Variants in TENM2 observed in about 807,000 individuals in gnomAD.
The protein encoded by TENM2 is teneurin-2.
A neutral mutation model predicts 245.2 loss-of-function variants in TENM2; 52 were observed. The observed-to-expected ratio is 0.21, with a 90% confidence interval of 0.17 to 0.27. The LOEUF (loss-of-function observed/expected upper bound fraction) is 0.27. Ranked by LOEUF, TENM2 falls within the 10% of genes least tolerant of loss-of-function variation. TENM2 has a pLI of 1.00. For missense variants in TENM2, 3,046 were observed against 3,666.8 expected (o/e 0.83, Z 4.37); for synonymous variants, 1,363 against 1,438.9 (o/e 0.95, Z 1.19).
chr5:167,039,294 C>T, the TENM2 span, among the ~76,000 whole-genome samples: 164 of 152,176 alleles, frequency 1.1e-3, 1 homozygote, highest in Non-Finnish European at 2.0e-3. Context: ...CACAGACCCC[C>T]GCACTGGGGA....
intron 2 of TENM2, among the ~76,000 whole-genome samples, chr5:167,784,976 T>G (rs1257523096): frequency 1.3e-5 from 2 of 151,924 alleles, no homozygotes; most frequent in African/African-American, 2.4e-5. Flanking sequence ...AATTAAGGTT[T>G]TTTTTTTTGA....
At chr5:167,337,026 A>C (rs901905822) in intron 1 of TENM2, among the ~76,000 whole-genome samples, 41 of 143,042 alleles carry the variant, frequency 2.9e-4, no homozygotes, top group African/African-American at 1.0e-3. Context: ...CTGAGGCAGG[A>C]GAATGGCGTG....
At chr5:167,035,962 CA>C in the TENM2 span, among the ~76,000 whole-genome samples, 1 of 152,136 alleles carries the variant, frequency 6.6e-6, no homozygotes, top group South Asian at 2.1e-4. Context: ...AGGCTGGTCT[CA>C]AACTCCTGAC....
chr5:167,314,156 T>C (rs1368906806), intron 1 of TENM2, among the ~76,000 whole-genome samples: 3 of 152,018 alleles, frequency 2.0e-5, no homozygotes, highest in African/African-American at 7.3e-5. Flanking sequence ...TATACAAGTG[T>C]GGGCTCCAAA....
intron 2 of TENM2, among the ~76,000 whole-genome samples, chr5:167,529,220 A>T (rs1771329506): frequency 6.6e-6 from 1 of 152,052 alleles, no homozygotes; most frequent in African/African-American, 2.4e-5. Context: ...TAAGGTTGAG[A>T]AAAAGCAAAT....
chr5:167,497,525 A>G (rs1582208488), intron 2 of TENM2, among the ~76,000 whole-genome samples: 1 of 152,084 alleles, frequency 6.6e-6, no homozygotes, highest in South Asian at 2.1e-4. Context: ...CTTTTGAACA[A>G]TCATGGCCTT....
At chr5:167,668,285 A>T (rs1755704602) in intron 2 of TENM2, among the ~76,000 whole-genome samples, 1 of 152,100 alleles carries the variant, frequency 6.6e-6, no homozygotes, top group South Asian at 2.1e-4. Context: ...CTCTTGTGTA[A>T]ATGATCAAAT....
chr5:167,989,298 G>A (rs200897344), intron 4 of TENM2, among the ~76,000 whole-genome samples: 67 of 147,768 alleles, frequency 4.5e-4, no homozygotes, highest in African/African-American at 1.6e-3. Context: ...GAGAGAGAGA[G>A]AGATAGATAG....
chr5:167,300,860 G>A (rs991023831), intron 1 of TENM2, among the ~76,000 whole-genome samples: 5 of 152,082 alleles, frequency 3.3e-5, no homozygotes, highest in South Asian at 2.1e-4. Flanking sequence ...AAAGTGTCTC[G>A]GCCTAATAAG....
the TENM2 span, among the ~76,000 whole-genome samples, chr5:167,008,001 T>C: frequency 0.015 from 2,308 of 152,244 alleles, 65 homozygotes; most frequent in African/African-American, 0.053. Flanking sequence ...TAACCCACCG[T>C]TGGATGTTGC....
the TENM2 span, among the ~76,000 whole-genome samples, chr5:167,080,932 A>G: frequency 0.032 from 4,921 of 152,100 alleles, 111 homozygotes; most frequent in South Asian, 0.091. Flanking sequence ...TTATTTCTGG[A>G]AAGAGAGTTA....
chr5:167,385,350 TA>T (rs142995201), intron 2 of TENM2, among the ~76,000 whole-genome samples: 4,613 of 152,194 alleles, frequency 0.03, 187 homozygotes, highest in African/African-American at 0.099. Context: ...CTCATTTTTT[TA>T]ATCAGACTTG....
chr5:167,829,615 G>A (rs1768290443), intron 2 of TENM2, among the ~76,000 whole-genome samples: 3 of 152,102 alleles, frequency 2.0e-5, no homozygotes, highest in Admixed American at 1.3e-4. Flanking sequence ...TTATAATGTG[G>A]CAGATATCTG....
At chr5:167,336,013 C>G (rs778786040) in intron 1 of TENM2, among the ~76,000 whole-genome samples, 2 of 152,044 alleles carry the variant, frequency 1.3e-5, no homozygotes, top group African/African-American at 2.4e-5. Flanking sequence ...CTATCTCAGA[C>G]CACACAATAG....
chr5:167,609,457 G>A (rs1366913108), intron 2 of TENM2, among the ~76,000 whole-genome samples: 4 of 114,486 alleles, frequency 3.5e-5, no homozygotes, highest in Non-Finnish European at 6.6e-5. Context: ...GTATGAATTT[G>A]ATTTCTGCCT....
the TENM2 span, among the ~76,000 whole-genome samples, chr5:167,233,340 G>A: frequency 2.1e-5 from 3 of 143,916 alleles, no homozygotes; most frequent in South Asian, 2.2e-4. Flanking sequence ...GGAAGATAGC[G>A]GCCCCCCTTC....
At chr5:167,288,482 C>T in intron 1 of TENM2, among the ~76,000 whole-genome samples, 1 of 150,668 alleles carries the variant, frequency 6.6e-6, no homozygotes, top group East Asian at 2.0e-4. Flanking sequence ...TGGCGTGAAC[C>T]TGGGAGGCGG....
intron 3 of TENM2, among the ~76,000 whole-genome samples, chr5:167,884,955 G>A (rs573470469): frequency 6.6e-6 from 1 of 152,218 alleles, no homozygotes; most frequent in East Asian, 1.9e-4. Context: ...TATCCTATTG[G>A]TGTGAAATGG....
At chr5:167,313,482 C>G (rs1756167085) in intron 1 of TENM2, among the ~76,000 whole-genome samples, 1 of 152,028 alleles carries the variant, frequency 6.6e-6, no homozygotes, top group Non-Finnish European at 1.5e-5. Context: ...ACTAAAAATA[C>G]AAAAATCAGC....
Sources: gnomAD v4.1 joint callset for allele counts (sites outside exome capture counted in the v4.1 genomes callset) on GRCh38, gnomAD v4.1.1 for gene constraint, MANE v1.5 for transcripts, NCBI Gene and HGNC (gene_info 2026-07-23, HGNC 2026-07-21) for gene names.